The following PDE10A variants were observed in gnomAD, a reference collection of about 807,000 sequenced individuals.
PDE10A encodes phosphodiesterase 10A.
Under a neutral mutation model 97.7 loss-of-function variants are expected in PDE10A, and 39 were observed. The ratio of observed to expected loss-of-function variants is 0.40; its 90% confidence interval spans 0.31 to 0.52. The LOEUF is 0.52. PDE10A is among the 20% of genes least tolerant of loss of function. PDE10A has a pLI of 0.56. For synonymous variants in PDE10A, 371 were observed against 376.8 expected (o/e 0.98, Z 0.18); for missense variants, 731 against 1,047.8 (o/e 0.70, Z 4.17).
intron 18 of PDE10A, 110 bp downstream of exon 18, chr6:165,379,084 T>G (rs1276439536): frequency 1.2e-5 from 9 of 722,594 alleles, no homozygotes; most frequent in Admixed American, 8.9e-5. Flanking sequence ...ATGTAAATTT[T>G]TTACATTCCT....
At chr6:165,530,609 A>ACC (rs66513062) in intron 2 of PDE10A, among the ~76,000 whole-genome samples, 61 of 151,618 alleles carry the variant, frequency 4.0e-4, no homozygotes, top group African/African-American at 1.1e-3. Flanking sequence ...CTGCACATGT[A>ACC]CCCCCCCCAC....
At chr6:165,926,228 C>T (rs2128489527) in intron 1 of PDE10A, among the ~76,000 whole-genome samples, 1 of 152,284 alleles carries the variant, frequency 6.6e-6, no homozygotes, top group African/African-American at 2.4e-5. Flanking sequence ...AGGCCCCAAG[C>T]CAAGGCAGGA....
At chr6:165,635,687 G>A (rs1050738914) in intron 1 of PDE10A, among the ~76,000 whole-genome samples, 4 of 151,904 alleles carry the variant, frequency 2.6e-5, no homozygotes, top group South Asian at 2.1e-4. Context: ...ACAGTTTCAC[G>A]TACATACAAA....
At chr6:165,974,839 G>A (rs1784801384) in intron 1 of PDE10A, among the ~76,000 whole-genome samples, 1 of 152,210 alleles carries the variant, frequency 6.6e-6, no homozygotes. Flanking sequence ...GATCTGGCAG[G>A]AGGAACAGAG....
chr6:165,748,415 T>C (rs1422097719), intron 1 of PDE10A, among the ~76,000 whole-genome samples: 3 of 152,188 alleles, frequency 2.0e-5, no homozygotes, highest in African/African-American at 7.2e-5. Context: ...GTTGTGTGGT[T>C]TCCAGCAGCA....
chr6:165,436,648 A>G (rs1054020111), intron 5 of PDE10A, among the ~76,000 whole-genome samples: 7 of 152,234 alleles, frequency 4.6e-5, no homozygotes, highest in African/African-American at 1.7e-4. Flanking sequence ...AATTATTTTA[A>G]AAAGAACTAA....
intron 1 of PDE10A, among the ~76,000 whole-genome samples, chr6:165,782,690 A>G (rs1178262897): frequency 6.6e-6 from 1 of 152,202 alleles, no homozygotes; most frequent in Non-Finnish European, 1.5e-5. Context: ...AACTAATTCT[A>G]AAACTAAGAT....
At chr6:165,373,891 C>T (rs1168471848) in intron 18 of PDE10A, among the ~76,000 whole-genome samples, 2 of 151,612 alleles carry the variant, frequency 1.3e-5, no homozygotes, top group Non-Finnish European at 1.5e-5. Flanking sequence ...CCATGGAATA[C>T]TATGCAGCCA....
chr6:165,730,960 C>A (rs988687167), intron 1 of PDE10A, among the ~76,000 whole-genome samples: 3 of 152,090 alleles, frequency 2.0e-5, no homozygotes, highest in African/African-American at 7.2e-5. Context: ...GCAGGAGAAT[C>A]GCTTGAACCA....
chr6:165,438,042 G>A (rs543450646), intron 5 of PDE10A, among the ~76,000 whole-genome samples: 9 of 152,224 alleles, frequency 5.9e-5, no homozygotes, highest in East Asian at 1.9e-4. Flanking sequence ...CATACTCAGC[G>A]CTAGGGAAAC....
Position 165,388,854 on chromosome 6 carries a change from T to C in PDE10A, c.2455-401A>G, listed in dbSNP as rs973551206. Among the ~76,000 whole-genome samples, 1 of 152,216 alleles carries C rather than the reference T, an allele frequency of 6.6e-6. No homozygotes were observed. The highest frequency in any genetic ancestry group is 1.5e-5 in the Non-Finnish European group (1 of 68,044). ...TCAATGTTAAATTCTAACAATGCTA[T>C]TGCTATTATAAACAATAAATATAAC... On this transcript the variant is annotated intron_variant, in intron 16 of 21. Coordinates refer to ENST00000539869, the MANE Select transcript of PDE10A (RefSeq NM_001385079.1). The surrounding 1 kb of genome is among the most constrained non-coding windows in gnomAD (Gnocchi z 4.0).
At chr6:165,793,436 C>T (rs1354846213) in intron 1 of PDE10A, among the ~76,000 whole-genome samples, 1 of 152,038 alleles carries the variant, frequency 6.6e-6, no homozygotes, top group Non-Finnish European at 1.5e-5. Flanking sequence ...GCATTCTGGA[C>T]AGTGGGAGAG....
At chr6:165,908,782 T>C (rs1362387274) in intron 1 of PDE10A, 1 of 152,218 alleles carries the variant, frequency 6.6e-6, no homozygotes, top group East Asian at 1.9e-4. Context: ...GGTGGAGCCT[T>C]GTCAAGCGGT....
At chr6:165,617,447 G>A (rs989977508) in intron 1 of PDE10A, among the ~76,000 whole-genome samples, 2 of 152,158 alleles carry the variant, frequency 1.3e-5, no homozygotes, top group Non-Finnish European at 2.9e-5. Context: ...AGGTTCAAGC[G>A]ATTCTCCCGC....
intron 3 of PDE10A, among the ~76,000 whole-genome samples, chr6:165,462,212 T>G (rs1195121372): frequency 6.6e-6 from 1 of 152,210 alleles, no homozygotes; most frequent in South Asian, 2.1e-4. Context: ...CAAGTCATAA[T>G]GGAAAGAATG....
intron 1 of PDE10A, among the ~76,000 whole-genome samples, chr6:165,644,024 C>T (rs1289037838): frequency 1.3e-5 from 2 of 152,074 alleles, no homozygotes; most frequent in Non-Finnish European, 2.9e-5. Flanking sequence ...ACTGGCAGAC[C>T]TGTTGTCAGG....
chr6:165,581,178 T>C lies in PDE10A; in HGVS notation c.866-37610A>G, dbSNP rs1282248216. ...ATATTCAGGTGTTAATTTAAATCTTTCCTTTCCAAAAGAATACTTTAGACC... is the reference window on the plus strand; with the variant it reads ...ATATTCAGGTGTTAATTTAAATCTTCCCTTTCCAAAAGAATACTTTAGACC... On this transcript the variant is annotated intron_variant, in intron 1 of 21. Transcript: ENST00000539869. Among the ~76,000 whole-genome samples, 4 of 152,224 alleles carry C rather than the reference T, an allele frequency of 2.6e-5. No homozygotes were observed. The South Asian group carries it at 8.3e-4, about 31-fold the overall frequency.
intron 17 of PDE10A, among the ~76,000 whole-genome samples, chr6:165,384,899 T>G (rs1785190685): frequency 6.6e-6 from 1 of 152,058 alleles, no homozygotes; most frequent in Admixed American, 6.6e-5. Context: ...TTTCCAACCA[T>G]CATACACAAA....
intron 1 of PDE10A, among the ~76,000 whole-genome samples, chr6:165,958,500 A>G (rs1360861895): frequency 4.5e-4 from 3 of 6,664 alleles, no homozygotes; most frequent in Non-Finnish European, 7.8e-4. Context: ...GAGAAAGACA[A>G]GAAAGAAAGA....
Sources: allele counts gnomAD v4.1 joint callset (sites outside exome capture counted in the v4.1 genomes callset), GRCh38; gene constraint gnomAD v4.1.1; non-coding constraint Gnocchi (gnomAD v3.1); transcripts MANE v1.5; gene names NCBI Gene and HGNC (gene_info 2026-07-23, HGNC 2026-07-21).